The following MYT1 variants were observed in gnomAD, a reference collection of about 807,000 sequenced individuals.
The protein encoded by MYT1 is myelin transcription factor I.
In MYT1, 23 loss-of-function variants were observed where a neutral mutation model predicts 123.0. The observed-to-expected ratio is 0.19, with a 90% CI of 0.13 to 0.26. MYT1 has a LOEUF of 0.26. MYT1 is among the 10% of genes least tolerant of loss of function. The pLI is 1.00. For synonymous variants in MYT1, 518 were observed against 575.3 expected, an observed-to-expected ratio of 0.90 and a Z score of 1.43; for missense variants, 1,125 against 1,472.5, an observed-to-expected ratio of 0.76 and a Z score of 3.86.
chr20:64,232,253 G>A lies in MYT1; in HGVS notation c.2765G>A (p.Arg922His), dbSNP rs767011977. Reference sequence around the variant, plus strand: ...GCATCCGGCTGCCCACTGGCCGCCCGCAGGCAGAAGGAAGGGTCCCTCAAT... The same window carrying A: ...GCATCCGGCTGCCCACTGGCCGCCCACAGGCAGAAGGAAGGGTCCCTCAAT... ...RSASGCPLAARRQKEGSLNGS... is the reference protein window; with the variant it reads ...RSASGCPLAAHRQKEGSLNGS... Residue 922 changes from arginine to histidine, a missense_variant, in exon 19 of 23, where the codon CGC (arginine) becomes CAC (histidine). Physicochemically the swap from Arg to His is conservative, Grantham distance 29. This residue lies in a region of MYT1 where 243 missense variants were observed against 323.1 expected (regional missense o/e 0.75). Coordinates refer to ENST00000328439, the MANE Select transcript of MYT1 (RefSeq NM_004535.3). The surrounding 1 kb of genome is among the most constrained non-coding windows in gnomAD (Gnocchi z 6.9). 7 of 1,613,034 alleles carry A rather than the reference G, an allele frequency of 4.3e-6. No individual in the cohort carries two copies. Among genetic ancestry groups the A allele is most frequent in the African/African-American group, 2.7e-5 (2 of 74,926 alleles).
At chr20:64,221,604 G>T (rs1984004088) in intron 13 of MYT1, among the ~76,000 whole-genome samples, 1 of 152,214 alleles carries the variant, frequency 6.6e-6, no homozygotes, top group Non-Finnish European at 1.5e-5. Flanking sequence ...GCGGAGGGAG[G>T]CCAGGGAGGG....
In MYT1 at chr20:64,240,603, C is replaced by T. The variant is rs923306608; in HGVS notation, c.*155C>T. On this transcript the variant is annotated 3_prime_UTR_variant, in exon 23 of 23. Transcript: ENST00000328439. ...TCCAAAGGGATGGCTGGAAATTGGC[C>T]GCTCCCACGAGGCTCCCTCCAGGCT... 3.0e-5 allele frequency: 32 copies of T among 1,075,430 alleles called. No individual in the cohort carries two copies. The highest frequency in any genetic ancestry group is 3.1e-4 in the Middle Eastern group (1 of 3,180). 66.6% of individuals were successfully genotyped at this position (1,075,430 alleles called of 1,614,324 possible).
chr20:64,225,203 T>G (rs1027330168), intron 16 of MYT1, among the ~76,000 whole-genome samples: 10 of 152,198 alleles, frequency 6.6e-5, no homozygotes, highest in Non-Finnish European at 1.5e-4. Context: ...CCCCGCCACG[T>G]GTCCTGGTGT....
At chr20:64,170,580 G>T (rs1188756103) in intron 1 of MYT1, among the ~76,000 whole-genome samples, 1 of 151,850 alleles carries the variant, frequency 6.6e-6, no homozygotes, top group Non-Finnish European at 1.5e-5. Context: ...CCTGCCTTCT[G>T]GTTATTTGAG....
chr20:64,198,925 C>T lies in MYT1; in HGVS notation c.55+9C>T, dbSNP rs1282700542. On this transcript the variant is annotated intron_variant, in intron 3 of 22. Transcript: ENST00000328439. The stretch of plus-strand genomic sequence containing the variant: ...ATCCAAGGCCCTGCGAGGTGAGTGC[C>T]GCCCTCCCCTCCTCCAGGGCTGTAA... 9.9e-6 allele frequency: 16 copies of T among 1,613,620 alleles called. No homozygotes were observed. Among genetic ancestry groups the T allele is most frequent in the African/African-American group, 2.7e-5 (2 of 74,924 alleles).
intron 8 of MYT1, 38 bp downstream of exon 8, chr20:64,211,378 G>T (rs1983660262): frequency 6.3e-7 from 1 of 1,582,010 alleles, no homozygotes; most frequent in African/African-American, 1.3e-5. Flanking sequence ...TAACTGTGAA[G>T]CTCACGCTGC....
At position 64,232,229 on chromosome 20, in the gene MYT1, C is replaced by T; in HGVS notation, c.2741C>T (p.Ala914Val). 1 of 1,613,192 alleles carries T rather than the reference C, an allele frequency of 6.2e-7. No individual in the cohort carries two copies. Among genetic ancestry groups the T allele is most frequent in the Non-Finnish European group, 8.5e-7 (1 of 1,180,014 alleles). ...GGGAAATACGCCTCTCACAGGAGCGCATCCGGCTGCCCACTGGCCGCCCGC... is the reference window on the plus strand; with the variant it reads ...GGGAAATACGCCTCTCACAGGAGCGTATCCGGCTGCCCACTGGCCGCCCGC... ...ISGKYASHRS[A>V]SGCPLAARRQ... is the part of the protein sequence containing the mutation. The change falls in exon 19 of 23, where the codon GCA becomes GTA. Residue 914 changes from alanine (A) to valine (V), a missense_variant. By Grantham distance (64) the Ala-to-Val change is moderately conservative. This residue lies in a region of MYT1 where 243 missense variants were observed against 323.1 expected (regional missense o/e 0.75). Coordinates refer to ENST00000328439, the MANE Select transcript of MYT1 (RefSeq NM_004535.3). This position sits in a 1 kb window ranked among gnomAD's most constrained non-coding sequence, Gnocchi z 6.9.
At chr20:64,217,334 G>A in intron 11 of MYT1, 53 bp downstream of exon 11, 1 of 1,592,820 alleles carries the variant, frequency 6.3e-7, no homozygotes, top group South Asian at 1.1e-5. Flanking sequence ...CCTGGGAGGG[G>A]CAGGATTCAA....
At chr20:64,207,107 C>T (rs1983505719) in intron 6 of MYT1, among the ~76,000 whole-genome samples, 1 of 152,160 alleles carries the variant, frequency 6.6e-6, no homozygotes, top group Non-Finnish European at 1.5e-5. Flanking sequence ...TGGTCTTGAA[C>T]TCGTGACCTC....
intron 1 of MYT1, among the ~76,000 whole-genome samples, chr20:64,176,947 G>C (rs973966239): frequency 3.3e-5 from 5 of 152,222 alleles, no homozygotes; most frequent in Non-Finnish European, 7.3e-5. Context: ...TTTTTACAGC[G>C]TTGGTAAGGT....
At chr20:64,216,291 C>T (rs1256493660) in intron 10 of MYT1, among the ~76,000 whole-genome samples, 1 of 152,256 alleles carries the variant, frequency 6.6e-6, no homozygotes, top group East Asian at 1.9e-4. Flanking sequence ...TTCAGAAGCT[C>T]CTCTGTGCCT....
chr20:64,223,275 A>C lies in MYT1; in HGVS notation c.2460-16A>C. 1 of 1,613,708 alleles carries C rather than the reference A, an allele frequency of 6.2e-7. No individual in the cohort carries two copies. The highest frequency in any genetic ancestry group is 8.5e-7 in the Non-Finnish European group (1 of 1,179,906). ...CCTCTTTGGCTTACCCCAATATCCCATCTCTTCTCTTTCAGCCTCTCTGGT... is the reference window on the plus strand; with the variant it reads ...CCTCTTTGGCTTACCCCAATATCCCCTCTCTTCTCTTTCAGCCTCTCTGGT... On this transcript the variant is annotated splice_polypyrimidine_tract_variant and intron_variant, in intron 15 of 22. Coordinates refer to ENST00000328439, the MANE Select transcript of MYT1 (RefSeq NM_004535.3).
rs1568700923 is a variant in MYT1, at chr20:64,186,545, C to T, written c.-98-3518C>T. ...TTCCAGGCTCCGTCCACACATGTCT[C>T]TCCATCTCCAAATAATTCTTCCCCT... On this transcript the variant is annotated intron_variant, in intron 1 of 22. Transcript: ENST00000328439. The surrounding 1 kb of genome is among the most constrained non-coding windows in gnomAD (Gnocchi z 4.3). Among the ~76,000 whole-genome samples the T allele has an allele frequency of 6.6e-6, 1 of 152,392 alleles. No individual in the cohort carries two copies. Among genetic ancestry groups the T allele is most frequent in the Non-Finnish European group, 1.5e-5 (1 of 68,042 alleles).
intron 18 of MYT1, among the ~76,000 whole-genome samples, chr20:64,229,696 C>T (rs1984267341): frequency 6.6e-6 from 1 of 152,194 alleles, no homozygotes; most frequent in Non-Finnish European, 1.5e-5. Context: ...GATGGGATTT[C>T]GTCAGCATGC....
rs969677056 is a variant in MYT1 at position 64,196,948 on chromosome 20, C to T, written c.1-1914C>T. Among the ~76,000 whole-genome samples the T allele has an allele frequency of 1.3e-5, 2 of 152,226 alleles. No individual in the cohort carries two copies. Among genetic ancestry groups the T allele is most frequent in the East Asian group, 3.8e-4 (2 of 5,204 alleles). On this transcript the variant is annotated intron_variant, in intron 2 of 22. Transcript: ENST00000328439. The surrounding 1 kb of genome is among the most constrained non-coding windows in gnomAD (Gnocchi z 4.3). ...AGCTGAGTGCAGGCACCGCACAAGT[C>T]CCATTGTACGTCCTGCATCGGAAGG...
rs1474285239 is a variant in MYT1 at position 64,223,118 on chromosome 20, AC to A, written c.2408del (p.Pro803LeufsTer88). 6.2e-7 allele frequency: 1 copy of A among 1,613,800 alleles called. No homozygotes were observed. The highest frequency in any genetic ancestry group is 1.1e-5 in the South Asian group (1 of 91,030). Reference protein sequence around the residue: ...DIKKELLTCPTPGCDGSGHIT... With the variant: ...DIKKELLTCPXPGCDGSGHIT... ...TCTTTTTCCTTTGTCCAGCTGTCCCACCCCTGGCTGTGACGGCAGCGGCCAC... is the reference window on the plus strand; with the variant it reads ...TCTTTTTCCTTTGTCCAGCTGTCCCACCCTGGCTGTGACGGCAGCGGCCAC... On this transcript the variant is annotated frameshift_variant, in exon 15 of 23. Coordinates refer to ENST00000328439, the MANE Select transcript of MYT1 (RefSeq NM_004535.3). LOFTEE classifies it high-confidence loss of function.
chr20:64,179,689 T>C (rs1311563148), intron 1 of MYT1, among the ~76,000 whole-genome samples: 1 of 151,982 alleles, frequency 6.6e-6, no homozygotes, highest in South Asian at 2.1e-4. Context: ...TTGCCTTTCC[T>C]GCTTGGGGCC....
rs768255557 is a variant in MYT1 at position 64,223,279 on chromosome 20, C to G, written c.2460-12C>G. On this transcript the variant is annotated splice_polypyrimidine_tract_variant and intron_variant, in intron 15 of 22. Transcript: ENST00000328439. ...TTTGGCTTACCCCAATATCCCATCT[C>G]TTCTCTTTCAGCCTCTCTGGTTGCC... is the stretch of plus-strand genomic sequence containing the variant. The G allele has an allele frequency of 4.3e-6, 7 of 1,614,088 alleles. No homozygotes were observed. Among genetic ancestry groups the G allele is most frequent in the Non-Finnish European group, 5.1e-6 (6 of 1,180,026 alleles).
In MYT1 at chr20:64,190,971, A is replaced by C. The variant is rs148048486; in HGVS notation, c.-1+811A>C. Reference sequence around the variant, plus strand: ...GTGACAGAGCAAGACTCCATCTCAGAAAACAAGCAAGCAAGCAAACAAAAA... The same window carrying C: ...GTGACAGAGCAAGACTCCATCTCAGCAAACAAGCAAGCAAGCAAACAAAAA... On this transcript the variant is annotated intron_variant, in intron 2 of 22. Coordinates refer to ENST00000328439, the MANE Select transcript of MYT1 (RefSeq NM_004535.3). The surrounding 1 kb of genome is among the most constrained non-coding windows in gnomAD (Gnocchi z 4.1). Among the ~76,000 whole-genome samples the C allele has an allele frequency of 6.6e-6, 1 of 152,354 alleles. No individual in the cohort carries two copies. Among genetic ancestry groups the C allele is most frequent in the African/African-American group, 2.4e-5 (1 of 41,574 alleles).
Sources: allele counts gnomAD v4.1 joint callset (sites outside exome capture counted in the v4.1 genomes callset), GRCh38; gene constraint gnomAD v4.1.1; regional missense constraint gnomAD v4.1.1; non-coding constraint Gnocchi (gnomAD v3.1); transcripts MANE v1.5; gene names NCBI Gene and HGNC (gene_info 2026-07-23, HGNC 2026-07-21).